The following TENM2 variants were observed in gnomAD, a reference collection of about 807,000 sequenced individuals.
TENM2 encodes teneurin transmembrane protein 2.
In TENM2, 52 loss-of-function variants were observed where a neutral mutation model predicts 245.2. The observed-to-expected ratio is 0.21, with a 90% CI of 0.17 to 0.27. The LOEUF (loss-of-function observed/expected upper bound fraction) is 0.27. Among genes scored for constraint, TENM2 ranks in the 10% least tolerant of loss-of-function variants. TENM2 has a pLI of 1.00. For synonymous variants in TENM2, 1,363 were observed against 1,438.9 expected (o/e 0.95, Z 1.19); for missense variants, 3,046 against 3,666.8 (o/e 0.83, Z 4.37).
intron 1 of TENM2, among the ~76,000 whole-genome samples, chr5:167,371,448 G>T (rs983992644): frequency 6.9e-6 from 1 of 144,606 alleles, no homozygotes; most frequent in Non-Finnish European, 1.5e-5. Flanking sequence ...CACAACCTCC[G>T]CCTTCCGGGT....
At chr5:167,815,253 A>G (rs1766953839) in intron 2 of TENM2, among the ~76,000 whole-genome samples, 1 of 152,134 alleles carries the variant, frequency 6.6e-6, no homozygotes, top group Non-Finnish European at 1.5e-5. Context: ...TCACCTCAAA[A>G]GAGTGGACGC....
intron 6 of TENM2, 67 bp downstream of exon 8, chr5:168,047,616 T>C: frequency 1.3e-6 from 2 of 1,510,608 alleles, no homozygotes; most frequent in Non-Finnish European, 1.8e-6. Flanking sequence ...GCCAGCTGGT[T>C]CAGGTTTTCT....
At chr5:167,952,923 C>A in intron 4 of TENM2, 101 bp downstream of exon 6, 1 of 942,630 alleles carries the variant, frequency 1.1e-6, no homozygotes, top group Non-Finnish European at 1.6e-6. Flanking sequence ...TCGGAGAGAC[C>A]CTCTGGGTAT....
intron 2 of TENM2, among the ~76,000 whole-genome samples, chr5:167,835,084 G>A (rs1157956913): frequency 2.0e-5 from 3 of 152,194 alleles, no homozygotes; most frequent in Non-Finnish European, 4.4e-5. Flanking sequence ...TGAGCATGTA[G>A]TACTCTCAAC....
chr5:167,398,433 TA>T (rs1391701788), intron 2 of TENM2, among the ~76,000 whole-genome samples: 9 of 143,736 alleles, frequency 6.3e-5, no homozygotes, highest in African/African-American at 1.8e-4. Flanking sequence ...TCTTTCTTAC[TA>T]TTTTTTTTTT....
chr5:167,650,843 C>A (rs1754411355), intron 2 of TENM2, among the ~76,000 whole-genome samples: 1 of 152,066 alleles, frequency 6.6e-6, no homozygotes, highest in African/African-American at 2.4e-5. Context: ...TGAAGGCAAG[C>A]CAGTATAAAC....
At chr5:168,126,704 A>T in intron 11 of TENM2, 50 bp from the exon 14 acceptor site, 1 of 1,506,190 alleles carries the variant, frequency 6.6e-7, no homozygotes. Flanking sequence ...GACTCCATGG[A>T]AGGTTTCACC....
chr5:167,060,221 T>G, the TENM2 span, among the ~76,000 whole-genome samples: 1 of 152,178 alleles, frequency 6.6e-6, no homozygotes, highest in African/African-American at 2.4e-5. Flanking sequence ...TTAGAATTCC[T>G]TTACTACCTC....
chr5:168,219,138 C>T (rs2152565606), intron 23 of TENM2, 139 bp downstream of exon 25: 1 of 796,922 alleles, frequency 1.3e-6, no homozygotes, highest in Non-Finnish European at 2.0e-6. Flanking sequence ...GGCCTCAAGA[C>T]ATTCATGTCC....
At chr5:167,263,306 G>A in the TENM2 span, among the ~76,000 whole-genome samples, 16 of 152,090 alleles carry the variant, frequency 1.1e-4, no homozygotes, top group East Asian at 1.7e-3. Flanking sequence ...CTCATTTCAC[G>A]GAGGAGTAAA....
chr5:167,654,699 C>A (rs1484263813), intron 2 of TENM2, among the ~76,000 whole-genome samples: 1 of 151,912 alleles, frequency 6.6e-6, no homozygotes, highest in Non-Finnish European at 1.5e-5. Flanking sequence ...ATCCCATTTC[C>A]CAGCAAGAAG....
At chr5:167,177,599 G>T in the TENM2 span, among the ~76,000 whole-genome samples, 1 of 152,158 alleles carries the variant, frequency 6.6e-6, no homozygotes, top group Non-Finnish European at 1.5e-5. Flanking sequence ...TTATCCTAGG[G>T]GATAGGATGG....
At position 167,450,418 on chromosome 5, in the gene TENM2, G is replaced by C. The variant is rs116709254; in HGVS notation, c.502+74945G>C. Among the ~76,000 whole-genome samples, 321 of 152,116 alleles carry C rather than the reference G, an allele frequency of 2.1e-3. 3 individuals are homozygous for C. The highest frequency in any genetic ancestry group is 7.4e-3 in the African/African-American group (306 of 41,506). Reference sequence around the variant, plus strand: ...TCTGTTAATGACCTCTCTCCTTCTAGAATATAAGCCCCATAAGAACAACGA... The same window carrying C: ...TCTGTTAATGACCTCTCTCCTTCTACAATATAAGCCCCATAAGAACAACGA... On this transcript the variant is annotated intron_variant, in intron 2 of 28. Coordinates refer to ENST00000518659, the Ensembl canonical transcript of TENM2.
chr5:167,373,709 G>T (rs773316797), intron 1 of TENM2, among the ~76,000 whole-genome samples: 1 of 152,228 alleles, frequency 6.6e-6, no homozygotes, highest in Non-Finnish European at 1.5e-5. Flanking sequence ...AGCAGCACAA[G>T]TTGGGAGTCT....
the TENM2 span, among the ~76,000 whole-genome samples, chr5:167,016,787 A>G: frequency 0.016 from 2,373 of 152,196 alleles, 56 homozygotes; most frequent in African/African-American, 0.054. Flanking sequence ...TGTTTCCCCT[A>G]CTTTTTAAAC....
chr5:167,064,678 C>G, the TENM2 span, among the ~76,000 whole-genome samples: 1 of 152,090 alleles, frequency 6.6e-6, no homozygotes, highest in Admixed American at 6.6e-5. Flanking sequence ...GATTAACCAT[C>G]GAGGTAGTAC....
chr5:167,316,318 A>C (rs1756361418), intron 1 of TENM2, among the ~76,000 whole-genome samples: 1 of 152,160 alleles, frequency 6.6e-6, no homozygotes, highest in Non-Finnish European at 1.5e-5. Context: ...CCAATGGATA[A>C]ATTACCCAAA....
intron 7 of TENM2, among the ~76,000 whole-genome samples, chr5:168,070,903 G>T (rs766001580): frequency 6.8e-6 from 1 of 147,488 alleles, no homozygotes; most frequent in Non-Finnish European, 1.5e-5. Context: ...AAAAGAAAAA[G>T]AAAAAGAAAC....
intron 2 of TENM2, among the ~76,000 whole-genome samples, chr5:167,404,658 A>T (rs1475948958): frequency 6.6e-6 from 1 of 151,262 alleles, no homozygotes; most frequent in African/African-American, 2.4e-5. Flanking sequence ...TATCATTGAA[A>T]TCTACAGTGG....
Sources: allele counts gnomAD v4.1 joint callset (sites outside exome capture counted in the v4.1 genomes callset), GRCh38; gene constraint gnomAD v4.1.1; transcripts MANE v1.5; gene names NCBI Gene and HGNC (gene_info 2026-07-23, HGNC 2026-07-21).